The following CSMD1 variants were observed in gnomAD, a reference collection of about 807,000 sequenced individuals.
CSMD1 encodes CUB and sushi domain-containing protein 1.
CSMD1 carries 213 observed loss-of-function variants against 417.5 expected under a neutral mutation model. The observed-to-expected ratio is 0.51, with a 90% CI of 0.46 to 0.57. The LOEUF (loss-of-function observed/expected upper bound fraction) is 0.57, where lower values mean the gene tolerates loss of function less well. Ranked by LOEUF, CSMD1 falls within the 20% of genes least tolerant of loss-of-function variation. CSMD1 has a pLI of 0.00. For missense variants in CSMD1, 6,923 were observed against 4,529.7 expected (o/e 1.53, Z -15.17); for synonymous variants, 2,862 against 1,736.8 (o/e 1.65, Z -16.11).
chr8:4,374,252 G>A (rs979136370), intron 3 of CSMD1, among the ~76,000 whole-genome samples: 1 of 152,086 alleles, frequency 6.6e-6, no homozygotes. Flanking sequence ...TCACTAACGT[G>A]TGAGTTAATT....
rs1811653076 is a variant in CSMD1 at position 4,994,497 on chromosome 8, C to T, written c.-81G>A. ...GCTATGAGCGGAGCCAAATAATCAC[C>T]CGAGGGCAAGGCGAGCCGGAGAGAG... On this transcript the variant is annotated 5_prime_UTR_variant, in exon 1 of 70. Coordinates refer to ENST00000635120, the MANE Select transcript of CSMD1 (RefSeq NM_033225.6). 1 of 1,321,794 alleles carries T rather than the reference C, an allele frequency of 7.6e-7. No individual in the cohort carries two copies. Among genetic ancestry groups the T allele is most frequent in the Admixed American group, 1.9e-5 (1 of 53,184 alleles). The allele number at this position is 1,321,794 out of a possible 1,614,324, so 81.9% of individuals were successfully genotyped here. A position where few individuals can be genotyped will look rare whatever the true frequency, so the allele number is the denominator to read the frequency against.
At chr8:3,219,024 A>C (rs1174504160) in intron 29 of CSMD1, among the ~76,000 whole-genome samples, 1 of 152,208 alleles carries the variant, frequency 6.6e-6, no homozygotes, top group Admixed American at 6.5e-5. Flanking sequence ...TTATATGGCC[A>C]TGAACTGGGA....
intron 1 of CSMD1, among the ~76,000 whole-genome samples, chr8:4,931,097 A>G (rs1321546980): frequency 1.3e-5 from 2 of 152,236 alleles, no homozygotes; most frequent in Non-Finnish European, 2.9e-5. Context: ...AATTATATAG[A>G]TATCTTCATT....
chr8:3,557,193 G>A lies in CSMD1; in HGVS notation c.1344+17752C>T, dbSNP rs954922638. Among the ~76,000 whole-genome samples the A allele has an allele frequency of 5.9e-5, 9 of 152,122 alleles. No individual in the cohort carries two copies. The East Asian group carries it at 1.7e-3, about 29-fold the overall frequency. On this transcript the variant is annotated intron_variant, in intron 10 of 69. Coordinates refer to ENST00000635120, the MANE Select transcript of CSMD1 (RefSeq NM_033225.6). ...GACACTTCTATGAAAATAATGTTTT[G>A]TTTCTCTGGATATGTATTAGTACAA...
At chr8:4,235,932 T>C (rs1011982061) in intron 3 of CSMD1, among the ~76,000 whole-genome samples, 2 of 152,056 alleles carry the variant, frequency 1.3e-5, no homozygotes, top group Non-Finnish European at 2.9e-5. Flanking sequence ...AAACCATTTG[T>C]GTTTACCGTG....
intron 5 of CSMD1, among the ~76,000 whole-genome samples, chr8:3,983,303 T>G (rs1213413789): frequency 6.6e-6 from 1 of 152,002 alleles, no homozygotes; most frequent in Non-Finnish European, 1.5e-5. Context: ...GCTAATTTTT[T>G]GTATTTTTAG....
chr8:3,265,132 G>A (rs1057391109), intron 26 of CSMD1, among the ~76,000 whole-genome samples: 3 of 152,088 alleles, frequency 2.0e-5, no homozygotes, highest in African/African-American at 7.2e-5. Context: ...CACTATTAGA[G>A]CAGAGATATT....
chr8:3,031,603 T>C (rs935611823), intron 50 of CSMD1, among the ~76,000 whole-genome samples: 1 of 152,176 alleles, frequency 6.6e-6, no homozygotes, highest in South Asian at 2.1e-4. Flanking sequence ...TCTAGTTATA[T>C]GGCCCACGCT....
intron 9 of CSMD1, among the ~76,000 whole-genome samples, chr8:3,584,170 T>C (rs1470810978): frequency 2.0e-5 from 3 of 152,200 alleles, no homozygotes; most frequent in South Asian, 2.1e-4. Context: ...TGAAGTACTA[T>C]TCAATGTTGA....
intron 5 of CSMD1, among the ~76,000 whole-genome samples, chr8:3,794,871 A>ATCGC (rs79039606): frequency 8.6e-5 from 13 of 150,532 alleles, no homozygotes; most frequent in Non-Finnish European, 1.8e-4. Context: ...TTTACCAATG[A>ATCGC]TCTCTCTCTC....
chr8:4,185,975 T>A (rs886358287), intron 3 of CSMD1, among the ~76,000 whole-genome samples: 2 of 152,160 alleles, frequency 1.3e-5, no homozygotes, highest in Non-Finnish European at 2.9e-5. Flanking sequence ...CAGAAATCAT[T>A]CTTAACAAGT....
intron 26 of CSMD1, among the ~76,000 whole-genome samples, chr8:3,239,062 G>A (rs753477024): frequency 1.3e-5 from 2 of 152,154 alleles, no homozygotes; most frequent in Non-Finnish European, 2.9e-5. Flanking sequence ...GTTTAAATGG[G>A]CTATACCCTG....
intron 5 of CSMD1, among the ~76,000 whole-genome samples, chr8:3,886,319 G>A (rs1265941306): frequency 6.6e-6 from 1 of 152,198 alleles, no homozygotes; most frequent in East Asian, 1.9e-4. Context: ...AAAGTGCTGG[G>A]ATTACAGGCG....
chr8:3,633,601 G>T (rs1262414249), intron 7 of CSMD1, among the ~76,000 whole-genome samples: 1 of 152,104 alleles, frequency 6.6e-6, no homozygotes, highest in Admixed American at 6.5e-5. Flanking sequence ...ATCTTAATTT[G>T]AAAGGATAAA....
intron 3 of CSMD1, among the ~76,000 whole-genome samples, chr8:4,039,111 A>G (rs975909014): frequency 1.9e-4 from 29 of 152,236 alleles, no homozygotes; most frequent in African/African-American, 7.0e-4. Flanking sequence ...AAGGAAGTTT[A>G]AAATTCATCA....
rs934806948 is a variant in CSMD1, at chr8:3,868,061, C to G, written c.819-114019G>C. Among the ~76,000 whole-genome samples, 3 of 152,244 alleles carry G rather than the reference C, an allele frequency of 2.0e-5. No homozygotes were observed. The East Asian group carries it at 5.8e-4, about 29-fold the overall frequency. The stretch of plus-strand genomic sequence containing the variant: ...CTGCACCCTGATCTGTCCCTATCAC[C>G]CATTGCCATATCTCTCATGATGCTT... On this transcript the variant is annotated intron_variant, in intron 5 of 69. Transcript: ENST00000635120.
chr8:3,786,670 G>C (rs1033094278), intron 5 of CSMD1, among the ~76,000 whole-genome samples: 2 of 152,144 alleles, frequency 1.3e-5, no homozygotes, highest in East Asian at 1.9e-4. Flanking sequence ...AAATACTACA[G>C]ACTTTGTGGC....
chr8:3,751,939 G>C (rs766308708), intron 6 of CSMD1, among the ~76,000 whole-genome samples: 1 of 152,118 alleles, frequency 6.6e-6, no homozygotes, highest in Admixed American at 6.5e-5. Flanking sequence ...CAGTCCATTG[G>C]CCTTGTAAAT....
chr8:4,982,190 CT>C (rs1810927894), intron 1 of CSMD1, among the ~76,000 whole-genome samples: 1 of 152,194 alleles, frequency 6.6e-6, no homozygotes, highest in African/African-American at 2.4e-5. Flanking sequence ...GCACAGACCC[CT>C]GACCCACGGA....
Sources: allele counts gnomAD v4.1 joint callset (sites outside exome capture counted in the v4.1 genomes callset), GRCh38; gene constraint gnomAD v4.1.1; transcripts MANE v1.5; gene names NCBI Gene and HGNC (gene_info 2026-07-23, HGNC 2026-07-21).